EFCAB11: variants seen among roughly 807,000 people sequenced by gnomAD.
EFCAB11 encodes EF-hand calcium binding domain 11.
EFCAB11 carries 14 observed loss-of-function variants against 23.0 expected under a neutral mutation model. The ratio of observed to expected loss-of-function variants is 0.61; its 90% CI spans 0.40 to 0.95. EFCAB11 has a LOEUF of 0.95. Among genes scored for constraint, EFCAB11 ranks in the 40% least tolerant of loss-of-function variants. The probability of loss-of-function intolerance (pLI) is 0.00; values close to 1 mark genes in which losing one functional copy is unlikely to be tolerated. For missense variants in EFCAB11, 198 were observed against 195.8 expected (o/e 1.01, Z -0.07); for synonymous variants, 65 against 66.6 (o/e 0.98, Z 0.11).
chr14:89,933,141 A>T (rs1232114237), intron 3 of EFCAB11, among the ~76,000 whole-genome samples: 1 of 152,202 alleles, frequency 6.6e-6, no homozygotes, highest in Non-Finnish European at 1.5e-5. Context: ...TTACATAAAC[A>T]ATACAGCTGG....
intron 5 of EFCAB11, among the ~76,000 whole-genome samples, chr14:89,846,915 A>G (rs1887447944): frequency 1.3e-5 from 2 of 152,150 alleles, no homozygotes; most frequent in Admixed American, 1.3e-4. Flanking sequence ...CATCTCTCCT[A>G]TCTCCTAAGG....
chr14:89,910,823 C>T (rs961710276), intron 5 of EFCAB11, among the ~76,000 whole-genome samples: 2 of 151,716 alleles, frequency 1.3e-5, no homozygotes, highest in Non-Finnish European at 2.9e-5. Context: ...GGAGGGAGAA[C>T]GAAAAGATTC....
At position 89,795,526 on chromosome 14, in the gene EFCAB11, G is replaced by A. The variant is rs1324405049; in HGVS notation, c.*1717C>T. 1 of 151,798 alleles carries A rather than the reference G, an allele frequency of 6.6e-6. No individual in the cohort carries two copies. The highest frequency in any genetic ancestry group is 1.5e-5 in the Non-Finnish European group (1 of 67,980). The allele number at this position is 151,798 out of a possible 1,614,324, so 9.4% of individuals were successfully genotyped here. Reference sequence around the variant, plus strand: ...CCCTTCTCTACTAAAAATTAGCCGGGTGTGGCGGTACACACCTGTAAACCC... The same window carrying A: ...CCCTTCTCTACTAAAAATTAGCCGGATGTGGCGGTACACACCTGTAAACCC... On this transcript the variant is annotated 3_prime_UTR_variant, in exon 6 of 6. Transcript: ENST00000316738.
intron 5 of EFCAB11, among the ~76,000 whole-genome samples, chr14:89,885,731 G>C (rs1290937919): frequency 7.8e-6 from 1 of 128,850 alleles, no homozygotes; most frequent in Non-Finnish European, 1.6e-5. Flanking sequence ...GAGAGAAAGA[G>C]AGAGAGAGAG....
intron 5 of EFCAB11, chr14:89,830,983 T>G (rs914018846): frequency 2.0e-5 from 3 of 152,316 alleles, no homozygotes; most frequent in Admixed American, 2.0e-4. Flanking sequence ...CCTCCTGATG[T>G]ACATTTTACA....
At chr14:89,831,136 G>C (rs1383812220) in intron 5 of EFCAB11, 1 of 152,444 alleles carries the variant, frequency 6.6e-6, no homozygotes, top group Non-Finnish European at 1.5e-5. Flanking sequence ...GGTGCTGAGA[G>C]GTGGTCAGAG....
At chr14:89,848,003 G>A (rs1887488490) in intron 5 of EFCAB11, among the ~76,000 whole-genome samples, 1 of 152,144 alleles carries the variant, frequency 6.6e-6, no homozygotes. Context: ...ATTAGCTATT[G>A]TTGTTATTAC....
chr14:89,931,487 T>C, intron 5 of EFCAB11, 54 bp downstream of exon 5: 1 of 1,478,332 alleles, frequency 6.8e-7, no homozygotes, highest in Non-Finnish European at 9.3e-7. Context: ...CAAAAACATG[T>C]AAAAGCAAAT....
intron 5 of EFCAB11, among the ~76,000 whole-genome samples, chr14:89,842,597 AATATGATATG>A (rs72285203): frequency 0.26 from 18,159 of 70,660 alleles, 1,199 homozygotes; most frequent in Non-Finnish European, 0.27. Context: ...AATATGATAT[AATATGATATG>A]ATATGATATG....
intron 5 of EFCAB11, among the ~76,000 whole-genome samples, chr14:89,829,351 A>G (rs188323296): frequency 5.9e-5 from 9 of 152,328 alleles, no homozygotes; most frequent in Admixed American, 5.2e-4. Context: ...GAATTAGGTA[A>G]AGGCTAGTGC....
At chr14:89,940,904 T>G (rs1890769300) in intron 3 of EFCAB11, among the ~76,000 whole-genome samples, 1 of 152,204 alleles carries the variant, frequency 6.6e-6, no homozygotes, top group African/African-American at 2.4e-5. Flanking sequence ...TAGCTGTTGT[T>G]ATTTATATAG....
At chr14:89,874,374 G>A (rs1396722597) in intron 5 of EFCAB11, among the ~76,000 whole-genome samples, 6 of 152,158 alleles carry the variant, frequency 3.9e-5, no homozygotes, top group African/African-American at 1.2e-4. Context: ...GGTCTCTGAC[G>A]TGCCCTGAAA....
intron 5 of EFCAB11, among the ~76,000 whole-genome samples, chr14:89,826,442 G>A (rs116909236): frequency 0.011 from 1,670 of 152,070 alleles, 22 homozygotes; most frequent in Non-Finnish European, 0.012. Flanking sequence ...GGTTTGAGAC[G>A]AAGTTGAAGA....
chr14:89,934,327 A>G (rs1367719393), intron 3 of EFCAB11, among the ~76,000 whole-genome samples: 1 of 152,182 alleles, frequency 6.6e-6, no homozygotes, highest in East Asian at 1.9e-4. Flanking sequence ...TTCCAGATAT[A>G]TTTTAGAATC....
intron 5 of EFCAB11, among the ~76,000 whole-genome samples, chr14:89,843,817 C>T (rs1887346488): frequency 6.6e-6 from 1 of 152,162 alleles, no homozygotes; most frequent in African/African-American, 2.4e-5. Flanking sequence ...TCATTATACA[C>T]TATAAAAACC....
chr14:89,895,119 G>A (rs1295891658), intron 5 of EFCAB11, among the ~76,000 whole-genome samples: 1 of 152,098 alleles, frequency 6.6e-6, no homozygotes, highest in Admixed American at 6.6e-5. Flanking sequence ...TGTAAAAACT[G>A]CATACAAATA....
intron 3 of EFCAB11, among the ~76,000 whole-genome samples, chr14:89,938,501 GATAA>G (rs984672034): frequency 5.6e-4 from 86 of 152,292 alleles, no homozygotes; most frequent in African/African-American, 1.7e-3. Flanking sequence ...TGTCACCTAT[GATAA>G]ATGAATTCAG....
At chr14:89,868,645 A>G (rs1194255319) in intron 5 of EFCAB11, among the ~76,000 whole-genome samples, 2 of 152,182 alleles carry the variant, frequency 1.3e-5, no homozygotes, top group African/African-American at 2.4e-5. Flanking sequence ...CTACTTTTAC[A>G]CTGCATTTCC....
chr14:89,802,207 T>TAAAAAAAAAA (rs35720736), intron 5 of EFCAB11, among the ~76,000 whole-genome samples: 2 of 136,088 alleles, frequency 1.5e-5, no homozygotes, highest in Non-Finnish European at 1.6e-5. Context: ...CCAAGTTACT[T>TAAAAAAAAAA]AAAAAAAAAA....
Sources: allele counts gnomAD v4.1 joint callset (sites outside exome capture counted in the v4.1 genomes callset), GRCh38; gene constraint gnomAD v4.1.1; transcripts MANE v1.5; gene names NCBI Gene and HGNC (gene_info 2026-07-23, HGNC 2026-07-21).